PPP3R1: variants seen among roughly 807,000 people sequenced by gnomAD.
PPP3R1 encodes protein phosphatase 3 regulatory subunit B, alpha.
PPP3R1 carries 5 observed loss-of-function variants against 22.6 expected under a neutral mutation model. The observed-to-expected ratio is 0.22, with a 90% CI of 0.12 to 0.46. The LOEUF (loss-of-function observed/expected upper bound fraction) is 0.46, where lower values mean the gene tolerates loss of function less well. PPP3R1 is among the 20% of genes least tolerant of loss of function. The pLI is 0.99. For synonymous variants in PPP3R1, 56 were observed against 65.2 expected, an observed-to-expected ratio of 0.86 and a Z score of 0.68; for missense variants, 61 against 203.2, an observed-to-expected ratio of 0.30 and a Z score of 4.25.
At chr2:68,201,895 C>T (rs1173785683) in intron 2 of PPP3R1, among the ~76,000 whole-genome samples, 1 of 152,082 alleles carries the variant, frequency 6.6e-6, no homozygotes, top group Non-Finnish European at 1.5e-5. Context: ...TGTCTGGAGG[C>T]TTTTAGGGTT....
intron 1 of PPP3R1, among the ~76,000 whole-genome samples, chr2:68,244,079 G>GA (rs1431484142): frequency 6.6e-6 from 1 of 151,736 alleles, no homozygotes; most frequent in Admixed American, 6.6e-5. Context: ...GAACTTTAGG[G>GA]AAAAAAAATT....
chr2:68,210,408 T>C (rs925491606), intron 2 of PPP3R1, among the ~76,000 whole-genome samples: 7 of 152,202 alleles, frequency 4.6e-5, no homozygotes, highest in South Asian at 4.1e-4. Flanking sequence ...CAGCAAATAT[T>C]TGACAATAGC....
chr2:68,186,039 A>C (rs1472877932), intron 5 of PPP3R1, among the ~76,000 whole-genome samples: 1 of 152,180 alleles, frequency 6.6e-6, no homozygotes, highest in Non-Finnish European at 1.5e-5. Flanking sequence ...CTGACAGAAA[A>C]ATTTCAAAAC....
chr2:68,220,653 C>T (rs1669670748), intron 1 of PPP3R1, among the ~76,000 whole-genome samples: 1 of 152,128 alleles, frequency 6.6e-6, no homozygotes, highest in South Asian at 2.1e-4. Flanking sequence ...TCTAGCACAA[C>T]AGCATAAGAT....
intron 2 of PPP3R1, among the ~76,000 whole-genome samples, chr2:68,216,477 T>TA (rs757456785): frequency 1.0e-4 from 15 of 150,036 alleles, no homozygotes; most frequent in East Asian, 1.9e-4. Context: ...AATTAAAAAT[T>TA]AAAAAAAAAA....
intron 1 of PPP3R1, among the ~76,000 whole-genome samples, chr2:68,246,957 T>C (rs1341991178): frequency 6.6e-6 from 1 of 152,124 alleles, no homozygotes; most frequent in African/African-American, 2.4e-5. Context: ...TACTATTCCC[T>C]GCCCACCTCC....
intron 1 of PPP3R1, among the ~76,000 whole-genome samples, chr2:68,244,754 ATG>A (rs908412740): frequency 3.3e-5 from 5 of 152,044 alleles, no homozygotes; most frequent in African/African-American, 1.2e-4. Flanking sequence ...TCTTTCATAA[ATG>A]TCTCAAAAAA....
Position 68,252,223 on chromosome 2 carries a change from G to C in PPP3R1, c.-96C>G, listed in dbSNP as rs1040164919. Reference sequence around the variant, plus strand: ...GAAACGGCGGCGGCGGCCCAGCTGCGGCCCTCGGGTCGCCGGCGGGGAGGG... The same window carrying C: ...GAAACGGCGGCGGCGGCCCAGCTGCCGCCCTCGGGTCGCCGGCGGGGAGGG... On this transcript the variant is annotated 5_prime_UTR_variant, in exon 1 of 6. Transcript: ENST00000234310. 3.4e-6 allele frequency: 4 copies of C among 1,166,310 alleles called. No individual in the cohort carries two copies. Among genetic ancestry groups the C allele is most frequent in the Non-Finnish European group, 3.2e-6 (3 of 930,452 alleles). The allele number at this position is 1,166,310 out of a possible 1,614,324, so 72.2% of individuals were successfully genotyped here.
chr2:68,228,881 C>T (rs1014382801), intron 1 of PPP3R1, among the ~76,000 whole-genome samples: 3 of 151,862 alleles, frequency 2.0e-5, no homozygotes, highest in African/African-American at 7.3e-5. Context: ...TTTAAAATTT[C>T]CCTTGAGACT....
chr2:68,226,280 A>G (rs1669779434), intron 1 of PPP3R1, among the ~76,000 whole-genome samples: 1 of 152,224 alleles, frequency 6.6e-6, no homozygotes, highest in South Asian at 2.1e-4. Context: ...ATCAAGGCAC[A>G]TTAACTATGC....
chr2:68,229,566 C>G (rs1669847574), intron 1 of PPP3R1, among the ~76,000 whole-genome samples: 1 of 152,078 alleles, frequency 6.6e-6, no homozygotes. Flanking sequence ...ATATATTTTG[C>G]AGTTCTACTG....
At chr2:68,250,133 T>C (rs1670316725) in intron 1 of PPP3R1, among the ~76,000 whole-genome samples, 1 of 150,834 alleles carries the variant, frequency 6.6e-6, no homozygotes, top group Non-Finnish European at 1.5e-5. Context: ...CCTGAAATGG[T>C]ATTGGGAGGA....
chr2:68,205,698 C>T (rs1437810970), intron 2 of PPP3R1, among the ~76,000 whole-genome samples: 1 of 152,044 alleles, frequency 6.6e-6, no homozygotes, highest in Non-Finnish European at 1.5e-5. Context: ...GGCAATTAGA[C>T]AATGTGTTGA....
At chr2:68,193,458 T>C (rs1356581019) in intron 2 of PPP3R1, among the ~76,000 whole-genome samples, 1 of 152,148 alleles carries the variant, frequency 6.6e-6, no homozygotes. Flanking sequence ...TAGTCGAGGC[T>C]GAGCAACTAG....
intron 2 of PPP3R1, among the ~76,000 whole-genome samples, chr2:68,203,866 T>C (rs937334606): frequency 1.1e-4 from 16 of 152,194 alleles, no homozygotes; most frequent in African/African-American, 3.4e-4. Context: ...GGCAGTTCAT[T>C]ATGCAAAAGG....
intron 1 of PPP3R1, among the ~76,000 whole-genome samples, chr2:68,244,600 C>T (rs986134225): frequency 1.3e-5 from 2 of 152,042 alleles, no homozygotes; most frequent in Admixed American, 1.3e-4. Context: ...TTCTTTTTAA[C>T]TTTTCTAGAG....
At chr2:68,202,091 T>C (rs1483116079) in intron 2 of PPP3R1, among the ~76,000 whole-genome samples, 1 of 152,224 alleles carries the variant, frequency 6.6e-6, no homozygotes, top group Non-Finnish European at 1.5e-5. Context: ...GAAATTTCTT[T>C]CAGTCAGACG....
At chr2:68,199,231 G>C (rs1674904909) in intron 2 of PPP3R1, among the ~76,000 whole-genome samples, 1 of 152,100 alleles carries the variant, frequency 6.6e-6, no homozygotes, top group Non-Finnish European at 1.5e-5. Flanking sequence ...CAAAGTGCTA[G>C]GATTACAGGC....
At chr2:68,208,077 C>T (rs1558634125) in intron 2 of PPP3R1, among the ~76,000 whole-genome samples, 2 of 152,076 alleles carry the variant, frequency 1.3e-5, no homozygotes, top group Non-Finnish European at 2.9e-5. Flanking sequence ...TGCTTAAACC[C>T]AGGAGGTGGA....
Sources: gnomAD v4.1 joint callset for allele counts (sites outside exome capture counted in the v4.1 genomes callset) on GRCh38, gnomAD v4.1.1 for gene constraint, MANE v1.5 for transcripts, NCBI Gene and HGNC (gene_info 2026-07-23, HGNC 2026-07-21) for gene names.